RUNX1: variants seen among roughly 807,000 people sequenced by gnomAD.
The protein encoded by RUNX1 is runt-related transcription factor 1.
RUNX1 carries 19 observed loss-of-function variants against 42.8 expected under a neutral mutation model. That is an observed-to-expected ratio of 0.44 (90% CI 0.31 to 0.65). The LOEUF is 0.65. RUNX1 is among the 30% of genes least tolerant of loss of function. The probability of loss-of-function intolerance (pLI) is 0.07; values close to 1 mark genes in which losing one functional copy is unlikely to be tolerated. For synonymous variants in RUNX1, 271 were observed against 289.4 expected, an observed-to-expected ratio of 0.94 and a Z score of 0.64; for missense variants, 528 against 672.0, an observed-to-expected ratio of 0.79 and a Z score of 2.37.
At chr21:34,905,590 C>A (rs1053805501) in intron 2 of RUNX1, among the ~76,000 whole-genome samples, 1 of 152,142 alleles carries the variant, frequency 6.6e-6, no homozygotes, top group Non-Finnish European at 1.5e-5. Context: ...ACTTCTTTAG[C>A]CAGAATGTTA....
chr21:35,049,037 G>A, intron 1 of RUNX1, 79 bp from the exon 2 acceptor site: 1 of 770,738 alleles, frequency 1.3e-6, no homozygotes. Flanking sequence ...TCTCCCCTCT[G>A]CTGGATACCT....
At chr21:34,800,061 A>G (rs1209776577) in intron 7 of RUNX1, among the ~76,000 whole-genome samples, 1 of 152,196 alleles carries the variant, frequency 6.6e-6, no homozygotes, top group Non-Finnish European at 1.5e-5. Context: ...CTAGTTCACA[A>G]ACCCAGCAGT....
chr21:35,010,401 C>T (rs1003173938), intron 2 of RUNX1, among the ~76,000 whole-genome samples: 12 of 152,204 alleles, frequency 7.9e-5, no homozygotes, highest in African/African-American at 2.9e-4. Context: ...GTTCAAAGCA[C>T]CTGACAATTA....
At chr21:34,961,285 A>T (rs1389616041) in intron 2 of RUNX1, among the ~76,000 whole-genome samples, 1 of 152,068 alleles carries the variant, frequency 6.6e-6, no homozygotes, top group Non-Finnish European at 1.5e-5. Context: ...GAAGCAGGGG[A>T]GGCGGATGTT....
At chr21:35,003,959 T>C (rs1439200967) in intron 2 of RUNX1, among the ~76,000 whole-genome samples, 3 of 152,256 alleles carry the variant, frequency 2.0e-5, no homozygotes, top group Admixed American at 1.3e-4. Flanking sequence ...CTTCCAATTC[T>C]ACTTATCTAT....
At chr21:35,012,817 A>T (rs1258795471) in intron 2 of RUNX1, among the ~76,000 whole-genome samples, 1 of 152,234 alleles carries the variant, frequency 6.6e-6, no homozygotes, top group Non-Finnish European at 1.5e-5. Context: ...TAGATACTCT[A>T]AAGTAGAGTA....
At chr21:34,944,855 T>C (rs1437664344) in intron 2 of RUNX1, among the ~76,000 whole-genome samples, 1 of 152,222 alleles carries the variant, frequency 6.6e-6, no homozygotes, top group Non-Finnish European at 1.5e-5. Flanking sequence ...CAGTTTAATG[T>C]TAATACCTCC....
intron 2 of RUNX1, among the ~76,000 whole-genome samples, chr21:34,904,914 A>G (rs1399961081): frequency 6.6e-6 from 1 of 152,258 alleles, no homozygotes; most frequent in African/African-American, 2.4e-5. Flanking sequence ...TAAAATAGAA[A>G]TCATTTTGTT....
At position 34,792,567 on chromosome 21, in the gene RUNX1, G is replaced by C. The variant is rs1037289303; in HGVS notation, c.1011C>G (p.Pro337=). The C allele has an allele frequency of 6.2e-7, 1 of 1,606,270 alleles. No homozygotes were observed. Among genetic ancestry groups the C allele is most frequent in the Non-Finnish European group, 8.5e-7 (1 of 1,176,680 alleles). ...LTAFSDPRQF[P]ALPSISDPRM... The stretch of plus-strand genomic sequence containing the variant: ...GGGGGTCGGAGATGGAGGGCAGCGC[G>C]GGGAACTGGCGCGGGTCGCTGAACG... The change falls in exon 9 of 9, where the codon CCC becomes CCG. Residue 337 remains proline (P), a synonymous_variant. Transcript: ENST00000675419. The surrounding 1 kb of genome is among the most constrained non-coding windows in gnomAD (Gnocchi z 6.9).
rs1036752388 is a variant in RUNX1, at chr21:34,848,666, C to T, written c.613+10808G>A. ...GCCAGGCTGGTCTCGAACTCCTGAC[C>T]TCAGGTAATCGGCCCACCTCGGGCT... On this transcript the variant is annotated intron_variant, in intron 6 of 8. Transcript: ENST00000675419. 3.3e-5 allele frequency among the ~76,000 whole-genome samples: 5 copies of T among 152,308 alleles called. No individual in the cohort carries two copies. The South Asian group carries it at 6.2e-4, about 19-fold the overall frequency.
intron 2 of RUNX1, among the ~76,000 whole-genome samples, chr21:34,991,477 G>A (rs533775891): frequency 6.6e-6 from 1 of 152,302 alleles, no homozygotes; most frequent in African/African-American, 2.4e-5. Flanking sequence ...CGGGCACTTG[G>A]CTGACTTTAT....
At chr21:34,894,677 GCT>G (rs1288915888) in intron 2 of RUNX1, among the ~76,000 whole-genome samples, 1 of 152,006 alleles carries the variant, frequency 6.6e-6, no homozygotes, top group Non-Finnish European at 1.5e-5. Flanking sequence ...TAGCTTGCAT[GCT>G]CTCTCTCTGT....
At chr21:35,044,739 G>A (rs765506941) in intron 2 of RUNX1, among the ~76,000 whole-genome samples, 10 of 152,112 alleles carry the variant, frequency 6.6e-5, no homozygotes, top group African/African-American at 1.7e-4. Flanking sequence ...CTGTGCAGCC[G>A]TCCTCTGTCC....
chr21:34,978,632 T>C (rs1319853412), intron 2 of RUNX1, among the ~76,000 whole-genome samples: 1 of 152,146 alleles, frequency 6.6e-6, no homozygotes, highest in Non-Finnish European at 1.5e-5. Flanking sequence ...TAGTTGTGTG[T>C]TTCCTGGTTA....
At chr21:35,001,150 AT>A (rs990120849) in intron 2 of RUNX1, among the ~76,000 whole-genome samples, 2 of 151,532 alleles carry the variant, frequency 1.3e-5, no homozygotes, top group African/African-American at 2.4e-5. Flanking sequence ...CGTCTCTATA[AT>A]TTTTTTTACT....
chr21:34,960,594 G>GTTAA (rs2058675152), intron 2 of RUNX1, among the ~76,000 whole-genome samples: 1 of 152,184 alleles, frequency 6.6e-6, no homozygotes, highest in Non-Finnish European at 1.5e-5. Context: ...TCAATCAAAG[G>GTTAA]TTAAGGTCAA....
chr21:35,034,208 G>A (rs2059291482), intron 2 of RUNX1, among the ~76,000 whole-genome samples: 1 of 152,242 alleles, frequency 6.6e-6, no homozygotes, highest in African/African-American at 2.4e-5. Flanking sequence ...TAAAATTAGG[G>A]AGAGTAATTG....
intron 6 of RUNX1, among the ~76,000 whole-genome samples, chr21:34,848,435 T>C (rs2057347449): frequency 6.6e-6 from 1 of 152,210 alleles, no homozygotes; most frequent in Non-Finnish European, 1.5e-5. Flanking sequence ...CTGAGCACCC[T>C]GGTTCACTTT....
rs999807714 is a variant in RUNX1, at chr21:34,834,486, T to G, written c.729A>C (p.Pro243=). The G allele has an allele frequency of 1.2e-6, 2 of 1,611,608 alleles. No homozygotes were observed. Among genetic ancestry groups the G allele is most frequent in the African/African-American group, 2.7e-5 (2 of 74,266 alleles). ...AGGCACGAGGGTTGGGCGTGGGGGC[T>G]GGGTGGTGTGGGCTGACCCTCATGG... is the stretch of plus-strand genomic sequence containing the variant. ...RTAMRVSPHH[P]APTPNPRASL... Residue 243 remains proline, a synonymous_variant, in exon 7 of 9, where the codon CCA becomes CCC. Coordinates refer to ENST00000675419, the MANE Select transcript of RUNX1 (RefSeq NM_001754.5).
Sources: allele counts gnomAD v4.1 joint callset (sites outside exome capture counted in the v4.1 genomes callset), GRCh38; gene constraint gnomAD v4.1.1; non-coding constraint Gnocchi (gnomAD v3.1); transcripts MANE v1.5; gene names NCBI Gene and HGNC (gene_info 2026-07-23, HGNC 2026-07-21).